Variants in SPATA16 observed in about 807,000 individuals in gnomAD.
SPATA16 encodes the protein spermatogenesis associated 16.
Under a neutral mutation model 63.3 loss-of-function variants are expected in SPATA16, and 36 were observed. The observed-to-expected ratio is 0.57, with a 90% CI of 0.44 to 0.75. The LOEUF (loss-of-function observed/expected upper bound fraction) is 0.75, where lower values mean the gene tolerates loss of function less well. Ranked by LOEUF, SPATA16 falls within the 30% of genes least tolerant of loss-of-function variation. SPATA16 has a pLI of 0.00. For missense variants in SPATA16, 646 were observed against 679.3 expected (o/e 0.95, Z 0.54); for synonymous variants, 203 against 216.7 (o/e 0.94, Z 0.56).
At chr3:172,906,834 G>A (rs369737496) in intron 10 of SPATA16, among the ~76,000 whole-genome samples, 2 of 152,004 alleles carry the variant, frequency 1.3e-5, no homozygotes, top group Admixed American at 6.6e-5. Flanking sequence ...CTCCGCTTCC[G>A]GGGTTCAAGC....
intron 2 of SPATA16, among the ~76,000 whole-genome samples, chr3:173,067,605 AAAAAAAAG>A (rs1275207343): frequency 6.6e-6 from 1 of 152,006 alleles, no homozygotes; most frequent in African/African-American, 2.4e-5. Flanking sequence ...GAAAGTTGGG[AAAAAAAAG>A]AAAAAAAGAA....
intron 2 of SPATA16, among the ~76,000 whole-genome samples, chr3:173,101,235 C>T (rs1212161878): frequency 6.6e-6 from 1 of 152,108 alleles, no homozygotes; most frequent in East Asian, 1.9e-4. Flanking sequence ...ATACTTGCTG[C>T]CCCAAGCATG....
intron 3 of SPATA16, among the ~76,000 whole-genome samples, chr3:173,028,013 C>CCCTCCCTTCTTTCCTTCCTT (rs1560100953): frequency 4.0e-4 from 14 of 35,032 alleles, no homozygotes; most frequent in African/African-American, 8.4e-4. Flanking sequence ...CTCCCTCCCT[C>CCCTCCCTTCTTTCCTTCCTT]CCTTCCTTCT....
At chr3:173,027,628 T>C (rs1735480108) in intron 3 of SPATA16, among the ~76,000 whole-genome samples, 1 of 151,846 alleles carries the variant, frequency 6.6e-6, no homozygotes. Context: ...AGCCAACCCC[T>C]GCATTGAATA....
At chr3:173,090,941 G>A (rs1351836059) in intron 2 of SPATA16, among the ~76,000 whole-genome samples, 1 of 151,970 alleles carries the variant, frequency 6.6e-6, no homozygotes, top group African/African-American at 2.4e-5. Flanking sequence ...TCTCTTTTTT[G>A]AATAAAGACT....
intron 3 of SPATA16, among the ~76,000 whole-genome samples, chr3:173,022,697 A>G (rs149139967): frequency 0.011 from 1,600 of 152,120 alleles, 37 homozygotes; most frequent in African/African-American, 0.036. Flanking sequence ...GGAAAGCTGC[A>G]GGAGGCAGCC....
intron 5 of SPATA16, among the ~76,000 whole-genome samples, chr3:172,967,190 T>C (rs1270974445): frequency 1.3e-5 from 2 of 152,204 alleles, no homozygotes; most frequent in African/African-American, 4.8e-5. Context: ...TCTAAGCGCA[T>C]ATCTTTCTCA....
chr3:173,110,966 A>G lies in SPATA16; in HGVS notation c.612+6154T>C, dbSNP rs575155854. ...AGGCATCTGGTGTCCCGCTTCAAAC[A>G]TAATGCATCTGAATCTGCATTTTTA... On this transcript the variant is annotated intron_variant, in intron 2 of 10. Coordinates refer to ENST00000351008, the MANE Select transcript of SPATA16 (RefSeq NM_031955.6). Among the ~76,000 whole-genome samples, 352 of 152,346 alleles carry G rather than the reference A, an allele frequency of 2.3e-3. 1 individual carries two copies. The highest frequency in any genetic ancestry group is 8.2e-3 in the African/African-American group (340 of 41,592).
At chr3:173,043,283 A>G (rs887660350) in intron 3 of SPATA16, among the ~76,000 whole-genome samples, 1 of 151,898 alleles carries the variant, frequency 6.6e-6, no homozygotes, top group Non-Finnish European at 1.5e-5. Flanking sequence ...ATTCATTAGT[A>G]ATTAATTTTA....
chr3:173,000,375 A>G (rs1219517941), intron 4 of SPATA16, among the ~76,000 whole-genome samples: 4 of 152,184 alleles, frequency 2.6e-5, no homozygotes, highest in Admixed American at 1.3e-4. Flanking sequence ...TTTTCTCTCA[A>G]TACTTTAAAT....
chr3:172,944,232 TA>T (rs1398424085), intron 6 of SPATA16, among the ~76,000 whole-genome samples: 1 of 152,106 alleles, frequency 6.6e-6, no homozygotes, highest in Non-Finnish European at 1.5e-5. Flanking sequence ...GAAGAAGACA[TA>T]AAAATGGCCA....
intron 1 of SPATA16, among the ~76,000 whole-genome samples, chr3:173,123,801 A>G (rs1849387): frequency 0.22 from 33,967 of 151,596 alleles, 4,573 homozygotes; most frequent in African/African-American, 0.38. Flanking sequence ...GCGGGATTTC[A>G]CCATGTTAGC....
intron 10 of SPATA16, among the ~76,000 whole-genome samples, chr3:172,901,820 T>C (rs908616649): frequency 1.3e-5 from 2 of 152,134 alleles, no homozygotes; most frequent in Admixed American, 1.3e-4. Flanking sequence ...TATCACTGTT[T>C]CCCACGTGGC....
At chr3:173,033,997 G>A (rs905581990) in intron 3 of SPATA16, among the ~76,000 whole-genome samples, 1 of 152,090 alleles carries the variant, frequency 6.6e-6, no homozygotes, top group Non-Finnish European at 1.5e-5. Context: ...GAGCTGCCGC[G>A]CCTGGCTGAG....
chr3:172,987,970 C>A (rs1734493983), intron 4 of SPATA16, among the ~76,000 whole-genome samples: 6 of 152,130 alleles, frequency 3.9e-5, no homozygotes, highest in Admixed American at 3.9e-4. Context: ...AGAGATTATA[C>A]AGCCTGATAA....
At chr3:173,070,750 A>T (rs576766909) in intron 2 of SPATA16, among the ~76,000 whole-genome samples, 1 of 152,330 alleles carries the variant, frequency 6.6e-6, no homozygotes, top group African/African-American at 2.4e-5. Context: ...CTAGGAATTA[A>T]CCAAAGAAGT....
intron 2 of SPATA16, among the ~76,000 whole-genome samples, chr3:173,089,704 AT>A (rs1233312607): frequency 6.6e-6 from 1 of 152,078 alleles, no homozygotes; most frequent in Non-Finnish European, 1.5e-5. Flanking sequence ...CCTTGTTGAG[AT>A]GTGGAGTGAG....
intron 1 of SPATA16, among the ~76,000 whole-genome samples, chr3:173,140,372 A>G (rs1369826879): frequency 6.6e-6 from 1 of 152,234 alleles, no homozygotes; most frequent in East Asian, 1.9e-4. Context: ...TCCAAAATGC[A>G]AATTTTAAAC....
intron 6 of SPATA16, among the ~76,000 whole-genome samples, chr3:172,935,623 G>A (rs1732971391): frequency 6.6e-6 from 1 of 152,142 alleles, no homozygotes; most frequent in African/African-American, 2.4e-5. Flanking sequence ...TTTGGTGCCT[G>A]TAGTACATAA....
Sources: allele counts gnomAD v4.1 joint callset (sites outside exome capture counted in the v4.1 genomes callset), GRCh38; gene constraint gnomAD v4.1.1; transcripts MANE v1.5; gene names NCBI Gene and HGNC (gene_info 2026-07-23, HGNC 2026-07-21).